Variants in PGM5 observed in about 807,000 individuals in gnomAD.
PGM5 encodes phosphoglucomutase 5, also known as phosphoglucomutase-like protein 5.
Under a neutral mutation model 59.2 loss-of-function variants are expected in PGM5, and 23 were observed. The ratio of observed to expected loss-of-function variants is 0.39; its 90% confidence interval spans 0.28 to 0.55. PGM5 has a LOEUF of 0.55. Ranked by LOEUF, PGM5 falls within the 20% of genes least tolerant of loss-of-function variation. PGM5 has a pLI of 0.66. For synonymous variants in PGM5, 214 were observed against 286.0 expected (o/e 0.75, Z 2.54); for missense variants, 574 against 748.3 (o/e 0.77, Z 2.72).
intron 3 of PGM5, among the ~76,000 whole-genome samples, chr9:68,386,009 C>A (rs374678104): frequency 0.19 from 27,920 of 149,630 alleles, 1,830 homozygotes; most frequent in South Asian, 0.32. Flanking sequence ...GTGTCAAGAG[C>A]ATGAACTATA....
rs1188397135 is a variant in PGM5 at position 68,383,856 on chromosome 9, C to T, written c.425-542C>T. On this transcript the variant is annotated intron_variant, in intron 2 of 10. Transcript: ENST00000396396. ...AATTTGGTCTTCCGAGGAAATGCAT[C>T]ACATATTTTTAGTTGAGCTTCATTT... 7.9e-5 allele frequency among the ~76,000 whole-genome samples: 12 copies of T among 151,690 alleles called. No individual in the cohort carries two copies. The Middle Eastern group carries it at 0.01, about 129-fold the overall frequency.
intron 6 of PGM5, chr9:68,428,705 A>G (rs1823290439): frequency 6.6e-6 from 1 of 152,196 alleles, no homozygotes; most frequent in Non-Finnish European, 1.5e-5. Flanking sequence ...TCATGTCTTA[A>G]TGTTGGTTCT....
intron 6 of PGM5, among the ~76,000 whole-genome samples, chr9:68,426,664 T>C (rs1823244526): frequency 6.6e-6 from 1 of 151,188 alleles, no homozygotes; most frequent in African/African-American, 2.4e-5. Flanking sequence ...AGAAGGGAGG[T>C]TGTGGAGTCA....
chr9:68,392,884 GAA>G (rs1182533653), intron 6 of PGM5, among the ~76,000 whole-genome samples: 1 of 151,954 alleles, frequency 6.6e-6, no homozygotes, highest in East Asian at 1.9e-4. Flanking sequence ...ATAAGTGAGG[GAA>G]AAAAAGCATG....
chr9:68,379,460 A>G (rs532166333), intron 2 of PGM5, among the ~76,000 whole-genome samples: 1 of 152,316 alleles, frequency 6.6e-6, no homozygotes, highest in Admixed American at 6.5e-5. Context: ...TGAATATTTA[A>G]AAAACAATAT....
intron 10 of PGM5, among the ~76,000 whole-genome samples, chr9:68,518,508 A>T (rs1174934942): frequency 6.6e-6 from 1 of 152,240 alleles, no homozygotes; most frequent in African/African-American, 2.4e-5. Flanking sequence ...CACTATGTTC[A>T]TGGAAATAAA....
chr9:68,459,542 C>T (rs1554685205), intron 6 of PGM5, among the ~76,000 whole-genome samples: 1 of 152,108 alleles, frequency 6.6e-6, no homozygotes, highest in African/African-American at 2.4e-5. Context: ...GCAGGCAGTT[C>T]ATTTTTGTTG....
chr9:68,487,251 G>A (rs975130934), intron 9 of PGM5, among the ~76,000 whole-genome samples: 2 of 152,078 alleles, frequency 1.3e-5, no homozygotes, highest in Non-Finnish European at 2.9e-5. Context: ...TCATCTTGAG[G>A]GGAGGAGCTA....
In PGM5 at chr9:68,483,915, A is replaced by T; in HGVS notation, c.1346A>T (p.Asp449Val). Reference sequence around the variant, plus strand: ...AAGACGACATATTATATCATGAGGGACCTGGAGGCCCTGGTCACAGACAAA... The same window carrying T: ...AAGACGACATATTATATCATGAGGGTCCTGGAGGCCCTGGTCACAGACAAA... ...DPKTTYYIMR[D>V]LEALVTDKSF... The change falls in exon 9 of 11, where the codon GAC (aspartate) becomes GTC (valine). Residue 449 changes from aspartate to valine, a missense_variant. Physicochemically the swap from Asp to Val is radical, Grantham distance 152. This residue lies in a region of PGM5 where 300 missense variants were observed against 280.0 expected (regional missense o/e 1.07). Coordinates refer to ENST00000396396, the MANE Select transcript of PGM5 (RefSeq NM_021965.4). 1 of 1,614,118 alleles carries T rather than the reference A, an allele frequency of 6.2e-7. No individual in the cohort carries two copies. Among genetic ancestry groups the T allele is most frequent in the South Asian group, 1.1e-5 (1 of 91,076 alleles).
intron 6 of PGM5, among the ~76,000 whole-genome samples, chr9:68,463,836 G>A (rs782181982): frequency 1.3e-4 from 19 of 151,984 alleles, no homozygotes; most frequent in Admixed American, 2.6e-4. Flanking sequence ...GACATATGAC[G>A]GTTCAACTTA....
rs1367632573 is a variant in PGM5, at chr9:68,365,954, C to T, written c.261+8566C>T. 2.0e-4 allele frequency among the ~76,000 whole-genome samples: 31 copies of T among 152,092 alleles called. 1 individual carries two copies. Among genetic ancestry groups the T allele is most frequent in the Admixed American group, 1.8e-3 (27 of 15,272 alleles). On this transcript the variant is annotated intron_variant, in intron 1 of 10. Coordinates refer to ENST00000396396, the MANE Select transcript of PGM5 (RefSeq NM_021965.4). Reference sequence around the variant, plus strand: ...TCAAACAATTCAATACAAATATCATCAATAATAACACATGAACAGGTGGCC... The same window carrying T: ...TCAAACAATTCAATACAAATATCATTAATAATAACACATGAACAGGTGGCC...
In PGM5 at chr9:68,511,713, G is replaced by T. The variant is rs1824754849; in HGVS notation, c.1614+12352G>T. ...CTACAGGCATGCGTCACCATGCCTG[G>T]CTAATTTTTGTATTTTTAGTAGAGA... On this transcript the variant is annotated intron_variant, in intron 10 of 10. Transcript: ENST00000396396. Among the ~76,000 whole-genome samples, 3 of 151,406 alleles carry T rather than the reference G, an allele frequency of 2.0e-5. 1 individual carries two copies. The South Asian group carries it at 6.3e-4, about 32-fold the overall frequency.
At chr9:68,495,674 G>C (rs1006952588) in intron 9 of PGM5, among the ~76,000 whole-genome samples, 2 of 152,214 alleles carry the variant, frequency 1.3e-5, no homozygotes, top group Non-Finnish European at 2.9e-5. Context: ...TGAGAGGTAA[G>C]TTGATTTGAG....
intron 7 of PGM5, among the ~76,000 whole-genome samples, chr9:68,476,127 GC>G (rs1824099060): frequency 6.6e-6 from 1 of 152,188 alleles, no homozygotes. Context: ...GTCGAAAGCT[GC>G]ATGATATTTT....
chr9:68,477,013 A>G (rs1169241556), intron 7 of PGM5, among the ~76,000 whole-genome samples: 1 of 152,236 alleles, frequency 6.6e-6, no homozygotes, highest in Non-Finnish European at 1.5e-5. Flanking sequence ...AAAGGACAAA[A>G]GGTTTTGAAG....
intron 6 of PGM5, among the ~76,000 whole-genome samples, chr9:68,444,403 A>G (rs557605267): frequency 6.6e-6 from 1 of 152,330 alleles, no homozygotes; most frequent in South Asian, 2.1e-4. Flanking sequence ...GCTAGAAGCA[A>G]GACCAATTTT....
chr9:68,457,597 A>G lies in PGM5; in HGVS notation c.1044-7496A>G, dbSNP rs191906715. Reference sequence around the variant, plus strand: ...CCTCATGTCTTATGACATAGATTCAATAAGATTTCTATAATACTATCTAAG... The same window carrying G: ...CCTCATGTCTTATGACATAGATTCAGTAAGATTTCTATAATACTATCTAAG... On this transcript the variant is annotated intron_variant, in intron 6 of 10. Coordinates refer to ENST00000396396, the MANE Select transcript of PGM5 (RefSeq NM_021965.4). 3.3e-5 allele frequency among the ~76,000 whole-genome samples: 5 copies of G among 152,356 alleles called. No individual in the cohort carries two copies. In the East Asian group the frequency reaches 7.7e-4, roughly 23 times the overall value.
intron 8 of PGM5, among the ~76,000 whole-genome samples, chr9:68,481,668 T>A (rs1431710695): frequency 1.3e-5 from 2 of 152,238 alleles, no homozygotes; most frequent in African/African-American, 4.8e-5. Context: ...TATAATGTAG[T>A]TTATTTTTTG....
At chr9:68,409,963 A>G (rs1554681485) in intron 6 of PGM5, among the ~76,000 whole-genome samples, 1 of 152,014 alleles carries the variant, frequency 6.6e-6, no homozygotes, top group Non-Finnish European at 1.5e-5. Context: ...ATCACTTCTC[A>G]GGGCCTCGCT....
Sources: gnomAD v4.1 joint callset for allele counts (sites outside exome capture counted in the v4.1 genomes callset) on GRCh38, gnomAD v4.1.1 for gene constraint, gnomAD v4.1.1 regional missense constraint, MANE v1.5 for transcripts, NCBI Gene and HGNC (gene_info 2026-07-23, HGNC 2026-07-21) for gene names.